The following SH3TC1 variants were observed in gnomAD, a reference collection of about 807,000 sequenced individuals.
The protein encoded by SH3TC1 is SH3 domain and tetratricopeptide repeat-containing protein 1.
Under a neutral mutation model 117.3 loss-of-function variants are expected in SH3TC1, and 135 were observed. The observed-to-expected ratio is 1.15, with a 90% CI of 1.00 to 1.33. SH3TC1 has a LOEUF of 1.33. Ranked by LOEUF, SH3TC1 falls within the 40% of genes most tolerant of loss-of-function variation. SH3TC1 has a pLI of 0.00. For synonymous variants in SH3TC1, 898 were observed against 816.9 expected (o/e 1.10, Z -1.69); for missense variants, 2,092 against 1,794.3 (o/e 1.17, Z -3.00).
intron 17 of SH3TC1, among the ~76,000 whole-genome samples, chr4:8,240,340 C>T (rs759899182): frequency 6.6e-6 from 1 of 152,196 alleles, no homozygotes; most frequent in South Asian, 2.1e-4. Flanking sequence ...GCCTGGGTCA[C>T]TCAACACTGT....
chr4:8,225,301 G>C lies in SH3TC1; in HGVS notation c.1285+85G>C. ...TGGGGGAGGTGACAAAGCTGAGCAC[G>C]GTGGGCATTGGGTGCGGCTGTCACC... is the stretch of plus-strand genomic sequence containing the variant. On this transcript the variant is annotated intron_variant, in intron 11 of 17. Coordinates refer to ENST00000245105, the MANE Select transcript of SH3TC1 (RefSeq NM_018986.5). The surrounding 1 kb of genome is among the most constrained non-coding windows in gnomAD (Gnocchi z 5.5). The C allele has an allele frequency of 6.8e-7, 1 of 1,460,848 alleles. No individual in the cohort carries two copies. The highest frequency in any genetic ancestry group is 9.4e-7 in the Non-Finnish European group (1 of 1,062,482). The allele number at this position is 1,460,848 out of a possible 1,614,324, so 90.5% of individuals were successfully genotyped here.
chr4:8,235,372 C>T, intron 14 of SH3TC1, 61 bp from the exon 15 acceptor site: 1 of 1,408,260 alleles, frequency 7.1e-7, no homozygotes, highest in Non-Finnish European at 9.3e-7. Flanking sequence ...GGAGTCCGAC[C>T]TGGGTGGGCG....
At chr4:8,232,362 G>T (rs1016773480) in intron 13 of SH3TC1, 8 of 1,581,600 alleles carry the variant, frequency 5.1e-6, no homozygotes, top group Non-Finnish European at 6.0e-6. Context: ...AGCTTCCCTT[G>T]TTGGGTGACA....
rs567748570 is a variant in SH3TC1 at position 8,219,597 on chromosome 4, G to A, written c.1112+67G>A. The A allele has an allele frequency of 1.2e-4, 162 of 1,391,796 alleles. 2 individuals carry two copies. The Middle Eastern group carries it at 2.7e-3, about 23-fold the overall frequency. The allele number at this position is 1,391,796 out of a possible 1,614,324, so 86.2% of individuals were successfully genotyped here. A position where few individuals can be genotyped will look rare whatever the true frequency, so the allele number is the denominator to read the frequency against. ...ATCTCACCTAAGGGGACGTTGCTGC[G>A]TCCACCTGGCTCCCCAGGTAACAAG... is the stretch of plus-strand genomic sequence containing the variant. On this transcript the variant is annotated intron_variant, in intron 9 of 17. Coordinates refer to ENST00000245105, the MANE Select transcript of SH3TC1 (RefSeq NM_018986.5).
At chr4:8,215,077 AGTC>A in intron 5 of SH3TC1, 32 of 443,236 alleles carry the variant, frequency 7.2e-5, no homozygotes, top group South Asian at 5.0e-4. Flanking sequence ...GGGTAGGCGG[AGTC>A]GTAGACGGAT....
intron 1 of SH3TC1, among the ~76,000 whole-genome samples, chr4:8,200,505 G>A (rs928425226): frequency 9.9e-5 from 15 of 152,248 alleles, no homozygotes; most frequent in African/African-American, 3.6e-4. Context: ...TGTCAACACT[G>A]TTGTTGACAG....
At chr4:8,202,167 C>T (rs1717883076) in intron 1 of SH3TC1, among the ~76,000 whole-genome samples, 1 of 152,188 alleles carries the variant, frequency 6.6e-6, no homozygotes, top group Non-Finnish European at 1.5e-5. Flanking sequence ...GTGGTGGGCA[C>T]AGGCAGCCAC....
intron 9 of SH3TC1, among the ~76,000 whole-genome samples, chr4:8,222,372 T>G (rs1267468829): frequency 2.2e-5 from 3 of 135,452 alleles, no homozygotes; most frequent in African/African-American, 8.5e-5. Flanking sequence ...TTTTTTTTTT[T>G]TTTTTTTTTT....
intron 16 of SH3TC1, 27 bp downstream of exon 16, chr4:8,236,455 C>T: frequency 7.0e-7 from 1 of 1,419,244 alleles, no homozygotes; most frequent in Non-Finnish European, 9.3e-7. Flanking sequence ...CCTGCCCTGC[C>T]AGGACCCACA....
intron 4 of SH3TC1, chr4:8,213,351 G>A (rs576548563): frequency 1.3e-3 from 197 of 156,654 alleles, no homozygotes; most frequent in African/African-American, 4.5e-3. Flanking sequence ...GGCCTTGGCC[G>A]GTGCCTCTTA....
Position 8,209,718 on chromosome 4 carries a change from C to A in SH3TC1, c.173-30C>A. Reference sequence around the variant, plus strand: ...AGGAGCCAGGCCTTTGCTTGGTCTCCCCTAATCCTGGGAACCTGCTGTGTT... The same window carrying A: ...AGGAGCCAGGCCTTTGCTTGGTCTCACCTAATCCTGGGAACCTGCTGTGTT... On this transcript the variant is annotated intron_variant, in intron 2 of 17. Transcript: ENST00000245105. This position sits in a 1 kb window ranked among gnomAD's most constrained non-coding sequence, Gnocchi z 5.9. 1 of 1,613,406 alleles carries A rather than the reference C, an allele frequency of 6.2e-7. No homozygotes were observed.
chr4:8,229,950 G>C (rs1371293903), intron 12 of SH3TC1, among the ~76,000 whole-genome samples: 1 of 143,456 alleles, frequency 7.0e-6, no homozygotes, highest in Admixed American at 6.9e-5. Flanking sequence ...GAGGAGACCG[G>C]GGGCCAGGGG....
At chr4:8,230,786 T>G (rs1721121756) in intron 12 of SH3TC1, among the ~76,000 whole-genome samples, 1 of 70,220 alleles carries the variant, frequency 1.4e-5, no homozygotes. Flanking sequence ...TGCTGTGCTT[T>G]TTTTTTTTTT....
In SH3TC1 at chr4:8,225,349, C is replaced by A; in HGVS notation, c.1285+133C>A. On this transcript the variant is annotated intron_variant, in intron 11 of 17. Transcript: ENST00000245105. This position sits in a 1 kb window ranked among gnomAD's most constrained non-coding sequence, Gnocchi z 5.5. ...ACCCCTCTGTGGTGTGGGCTGGGGG[C>A]TTGGGGGAGGTTGCCTGAGGTGGGC... 2.9e-6 allele frequency: 3 copies of A among 1,043,962 alleles called. No homozygotes were observed. Among genetic ancestry groups the A allele is most frequent in the Non-Finnish European group, 4.2e-6 (3 of 709,720 alleles). The allele number at this position is 1,043,962 out of a possible 1,614,324, so 64.7% of individuals were successfully genotyped here.
intron 11 of SH3TC1, among the ~76,000 whole-genome samples, chr4:8,226,667 G>A (rs1720484420): frequency 6.6e-6 from 1 of 152,224 alleles, no homozygotes; most frequent in African/African-American, 2.4e-5. Context: ...GGATCACTGA[G>A]CTGACACATA....
At chr4:8,211,331 G>T (rs531576349) in intron 3 of SH3TC1, among the ~76,000 whole-genome samples, 27 of 13,850 alleles carry the variant, frequency 1.9e-3, no homozygotes, top group Non-Finnish European at 3.1e-3. Context: ...CCCTCCCGGT[G>T]TCTCCCCTCT....
intron 17 of SH3TC1, among the ~76,000 whole-genome samples, chr4:8,238,040 A>G (rs1721980672): frequency 6.6e-6 from 1 of 152,160 alleles, no homozygotes; most frequent in Non-Finnish European, 1.5e-5. Flanking sequence ...GGAGAAGGAC[A>G]TTTGGGGGGA....
In SH3TC1 at chr4:8,228,564, C is replaced by T. The variant is rs767214728; in HGVS notation, c.2870C>T (p.Thr957Ile). 8 of 1,598,936 alleles carry T rather than the reference C, an allele frequency of 5.0e-6. No homozygotes were observed. Among genetic ancestry groups the T allele is most frequent in the East Asian group, 4.5e-5 (2 of 44,612 alleles). ...HVLLQLGHLC[T>I]RQGPAQQGKG... The stretch of plus-strand genomic sequence containing the variant: ...CTCCTGCAGCTGGGCCATCTCTGCA[C>T]CCGCCAGGGCCCGGCCCAGCAGGGC... The change falls in exon 12 of 18, where the codon ACC (threonine) becomes ATC (isoleucine). Residue 957 changes from threonine (T) to isoleucine (I), a missense_variant. By Grantham distance (89) the Thr-to-Ile change is moderately conservative. Transcript: ENST00000245105.
intron 5 of SH3TC1, 101 bp downstream of exon 5, chr4:8,214,681 T>C: frequency 2.2e-6 from 2 of 902,796 alleles, no homozygotes; most frequent in Non-Finnish European, 3.5e-6. Context: ...TTTGTTTATT[T>C]ATTTATTGAT....
Sources: allele counts gnomAD v4.1 joint callset (sites outside exome capture counted in the v4.1 genomes callset), GRCh38; gene constraint gnomAD v4.1.1; non-coding constraint Gnocchi (gnomAD v3.1); transcripts MANE v1.5; gene names NCBI Gene and HGNC (gene_info 2026-07-23, HGNC 2026-07-21).